CCSER1: variants seen among roughly 807,000 people sequenced by gnomAD.
CCSER1 encodes the protein coiled-coil serine rich protein 1, also known as serine-rich coiled-coil domain-containing protein 1.
Under a neutral mutation model 82.0 loss-of-function variants are expected in CCSER1, and 41 were observed. That is an observed-to-expected ratio of 0.50 (90% CI 0.39 to 0.65). CCSER1 has a LOEUF of 0.65. Ranked by LOEUF, CCSER1 falls within the 30% of genes least tolerant of loss-of-function variation. CCSER1 has a pLI of 0.00. For missense variants in CCSER1, 1,119 were observed against 1,064.2 expected, an observed-to-expected ratio of 1.05 and a Z score of -0.72; for synonymous variants, 414 against 383.9, an observed-to-expected ratio of 1.08 and a Z score of -0.92.
At chr4:91,193,062 A>G (rs750527369) in intron 10 of CCSER1, among the ~76,000 whole-genome samples, 11 of 152,046 alleles carry the variant, frequency 7.2e-5, no homozygotes, top group Non-Finnish European at 2.9e-5. Context: ...CTGTACTGAC[A>G]TGTGTTTTGT....
At chr4:91,519,604 G>T (rs1260860605) in intron 10 of CCSER1, among the ~76,000 whole-genome samples, 1 of 152,206 alleles carries the variant, frequency 6.6e-6, no homozygotes, top group Non-Finnish European at 1.5e-5. Context: ...CAGTCTGAAG[G>T]CCTTGGTGGA....
chr4:90,500,416 C>G (rs1275516379), intron 5 of CCSER1, among the ~76,000 whole-genome samples: 1 of 152,014 alleles, frequency 6.6e-6, no homozygotes, highest in Non-Finnish European at 1.5e-5. Flanking sequence ...ACTGCAACTT[C>G]CATCTCCCAG....
intron 10 of CCSER1, among the ~76,000 whole-genome samples, chr4:91,248,104 C>T (rs559472882): frequency 6.6e-6 from 1 of 152,210 alleles, no homozygotes; most frequent in Non-Finnish European, 1.5e-5. Context: ...GAAAGAGCTC[C>T]AGTGTTCAAT....
intron 5 of CCSER1, among the ~76,000 whole-genome samples, chr4:90,602,030 A>AT (rs1560790456): frequency 6.6e-6 from 1 of 152,080 alleles, no homozygotes; most frequent in Non-Finnish European, 1.5e-5. Flanking sequence ...CTGTTTTTGG[A>AT]TGGAGTGGTC....
At chr4:90,956,491 G>A (rs1225640462) in intron 9 of CCSER1, among the ~76,000 whole-genome samples, 1 of 152,034 alleles carries the variant, frequency 6.6e-6, no homozygotes, top group Non-Finnish European at 1.5e-5. Context: ...ATTCAGACAG[G>A]CATCTAAAAT....
intron 10 of CCSER1, among the ~76,000 whole-genome samples, chr4:91,470,515 T>C (rs1757215260): frequency 6.6e-6 from 1 of 152,178 alleles, no homozygotes; most frequent in Non-Finnish European, 1.5e-5. Context: ...ATGACACGTA[T>C]ACTTTGTTCT....
intron 10 of CCSER1, among the ~76,000 whole-genome samples, chr4:91,343,689 A>T (rs1489164225): frequency 1.3e-5 from 2 of 152,152 alleles, no homozygotes; most frequent in African/African-American, 2.4e-5. Context: ...CGTGGAGATG[A>T]TAGATCTTTA....
intron 10 of CCSER1, among the ~76,000 whole-genome samples, chr4:91,554,204 A>C (rs1762300150): frequency 6.7e-6 from 1 of 148,250 alleles, no homozygotes; most frequent in African/African-American, 2.5e-5. Flanking sequence ...TTTGTCTTCT[A>C]TTATTGATTT....
At chr4:91,518,148 T>C (rs1045173246) in intron 10 of CCSER1, among the ~76,000 whole-genome samples, 1 of 152,176 alleles carries the variant, frequency 6.6e-6, no homozygotes, top group Admixed American at 6.5e-5. Flanking sequence ...GGGGTGATCT[T>C]AGTCTTTATG....
At chr4:90,217,356 C>T (rs572160731) in intron 1 of CCSER1, among the ~76,000 whole-genome samples, 1 of 152,184 alleles carries the variant, frequency 6.6e-6, no homozygotes, top group South Asian at 2.1e-4. Context: ...GCCACCATGC[C>T]TGGCTAATTT....
At chr4:90,407,073 G>A (rs1014762975) in intron 4 of CCSER1, among the ~76,000 whole-genome samples, 2 of 152,088 alleles carry the variant, frequency 1.3e-5, no homozygotes, top group African/African-American at 4.8e-5. Context: ...GAATCAAAAA[G>A]CTTTTTCTTC....
intron 10 of CCSER1, among the ~76,000 whole-genome samples, chr4:91,583,066 G>A (rs1299497644): frequency 6.6e-6 from 1 of 151,308 alleles, no homozygotes; most frequent in African/African-American, 2.4e-5. Flanking sequence ...CTAACATACA[G>A]TTGGAGCCAC....
chr4:90,276,255 C>CTTTCTTTCTTTCT lies in CCSER1; in HGVS notation c.-41-31987_-41-31986insTCTTTCTTTCTTT, dbSNP rs1560929917. 3.6e-4 allele frequency among the ~76,000 whole-genome samples: 19 copies of CTTTCTTTCTTTCT among 52,822 alleles called. 2 individuals are homozygous for CTTTCTTTCTTTCT. The highest frequency in any genetic ancestry group is 5.7e-4 in the Non-Finnish European group (15 of 26,362). 34.7% of individuals were successfully genotyped at this position (52,822 alleles called of 152,430 possible). On this transcript the variant is annotated intron_variant, in intron 1 of 10. Coordinates refer to ENST00000509176, the MANE Select transcript of CCSER1 (RefSeq NM_001145065.2). ...CTTTCTTTCTTTCTTTCTTTCTTTC[C>CTTTCTTTCTTTCT]TTCCTTCCTTCCTTCCTTCCTTCCT... is the stretch of plus-strand genomic sequence containing the variant.
At chr4:90,865,205 T>C (rs988167525) in intron 8 of CCSER1, among the ~76,000 whole-genome samples, 6 of 152,034 alleles carry the variant, frequency 3.9e-5, no homozygotes, top group Non-Finnish European at 5.9e-5. Flanking sequence ...TATAAACATA[T>C]ATTGACAGGA....
At chr4:91,235,975 C>G (rs930184734) in intron 10 of CCSER1, among the ~76,000 whole-genome samples, 1 of 152,066 alleles carries the variant, frequency 6.6e-6, no homozygotes, top group Non-Finnish European at 1.5e-5. Flanking sequence ...GAGTTAGACA[C>G]ATTTTGATTG....
intron 3 of CCSER1, among the ~76,000 whole-genome samples, chr4:90,316,938 T>C (rs1284656039): frequency 6.6e-6 from 1 of 152,228 alleles, no homozygotes; most frequent in African/African-American, 2.4e-5. Flanking sequence ...TGTTCACATT[T>C]ATTATATTTT....
chr4:91,081,086 C>A (rs1722665195), intron 9 of CCSER1, among the ~76,000 whole-genome samples: 1 of 152,154 alleles, frequency 6.6e-6, no homozygotes, highest in African/African-American at 2.4e-5. Flanking sequence ...GATACCAAAG[C>A]CTGGCAGAGA....
intron 6 of CCSER1, among the ~76,000 whole-genome samples, chr4:90,692,790 A>ACAC (rs1327192642): frequency 6.6e-6 from 1 of 151,982 alleles, no homozygotes; most frequent in East Asian, 1.9e-4. Flanking sequence ...TAGTCCTCTA[A>ACAC]CACCAAAGGG....
At chr4:91,419,161 T>C (rs944527890) in intron 10 of CCSER1, among the ~76,000 whole-genome samples, 2 of 151,992 alleles carry the variant, frequency 1.3e-5, no homozygotes, top group Admixed American at 6.6e-5. Flanking sequence ...TTTCCTCTAA[T>C]ATCAGGAGAA....
Sources: allele counts gnomAD v4.1 joint callset (sites outside exome capture counted in the v4.1 genomes callset), GRCh38; gene constraint gnomAD v4.1.1; transcripts MANE v1.5; gene names NCBI Gene and HGNC (gene_info 2026-07-23, HGNC 2026-07-21).